SMYD3: variants seen among roughly 807,000 people sequenced by gnomAD.
SMYD3 encodes histone-lysine N-methyltransferase SMYD3.
A neutral mutation model predicts 57.7 loss-of-function variants in SMYD3; 36 were observed. That is an observed-to-expected ratio of 0.62 (90% CI 0.48 to 0.82). The LOEUF (loss-of-function observed/expected upper bound fraction) is 0.82, where lower values mean the gene tolerates loss of function less well. Among genes scored for constraint, SMYD3 ranks in the 40% least tolerant of loss-of-function variants. SMYD3 has a pLI of 0.00. For synonymous variants in SMYD3, 211 were observed against 195.0 expected, an observed-to-expected ratio of 1.08 and a Z score of -0.68; for missense variants, 515 against 538.8, an observed-to-expected ratio of 0.96 and a Z score of 0.44.
At chr1:246,307,409 G>T in intron 5 of SMYD3, among the ~76,000 whole-genome samples, 1 of 147,210 alleles carries the variant, frequency 6.8e-6, no homozygotes, top group Non-Finnish European at 1.5e-5. Context: ...TAAATTAGGG[G>T]ATTCTTTTTT....
chr1:246,109,801 G>A (rs369106955), intron 5 of SMYD3: 2 of 152,166 alleles, frequency 1.3e-5, no homozygotes, highest in South Asian at 2.1e-4. Flanking sequence ...ATGGGGCTGC[G>A]CAGGTGGAAA....
chr1:246,325,775 A>G (rs2148658943), intron 5 of SMYD3: 1 of 152,352 alleles, frequency 6.6e-6, no homozygotes, highest in Middle Eastern at 3.4e-3. Flanking sequence ...AATAATTACC[A>G]CAGAATAGCC....
At chr1:246,020,222 A>C (rs2059448101) in intron 5 of SMYD3, among the ~76,000 whole-genome samples, 1 of 152,256 alleles carries the variant, frequency 6.6e-6, no homozygotes, top group Non-Finnish European at 1.5e-5. Flanking sequence ...CTAACAGGCA[A>C]GCAAAATCTA....
At chr1:245,808,791 C>A (rs111282653) in intron 10 of SMYD3, among the ~76,000 whole-genome samples, 2 of 151,994 alleles carry the variant, frequency 1.3e-5, no homozygotes, top group African/African-American at 4.8e-5. Flanking sequence ...GAGACAGAGT[C>A]TCATTTTGTT....
Position 245,943,093 on chromosome 1 carries a change from A to C in SMYD3, c.532-13156T>G, listed in dbSNP as rs555397149. On this transcript the variant is annotated intron_variant, in intron 5 of 11. Coordinates refer to ENST00000490107, the MANE Select transcript of SMYD3 (RefSeq NM_001167740.2). Reference sequence around the variant, plus strand: ...CTAAAAGAACTAGAGAACCACGAGCAAACAAACCCCAAAGCTAGCAGAAGA... The same window carrying C: ...CTAAAAGAACTAGAGAACCACGAGCCAACAAACCCCAAAGCTAGCAGAAGA... 9.9e-5 allele frequency among the ~76,000 whole-genome samples: 15 copies of C among 151,668 alleles called. No homozygotes were observed. In the South Asian group the frequency reaches 2.9e-3, roughly 30 times the overall value.
chr1:246,299,658 A>C (rs2064858022), intron 5 of SMYD3, among the ~76,000 whole-genome samples: 2 of 152,194 alleles, frequency 1.3e-5, no homozygotes, highest in Non-Finnish European at 2.9e-5. Flanking sequence ...CTAAGCAGCC[A>C]TAAAAAAGGA....
intron 1 of SMYD3, among the ~76,000 whole-genome samples, chr1:246,430,663 A>G (rs2067283898): frequency 6.6e-6 from 1 of 152,232 alleles, no homozygotes; most frequent in Non-Finnish European, 1.5e-5. Flanking sequence ...GAAGCCACCC[A>G]GATATAAGTA....
intron 5 of SMYD3, among the ~76,000 whole-genome samples, chr1:246,255,018 A>G (rs2148507565): frequency 6.6e-6 from 1 of 152,172 alleles, no homozygotes; most frequent in East Asian, 1.9e-4. Flanking sequence ...CAGTTTCAGG[A>G]GCCTTTTGGT....
intron 5 of SMYD3, among the ~76,000 whole-genome samples, chr1:246,249,304 A>T (rs1313099545): frequency 4.2e-5 from 4 of 96,186 alleles, no homozygotes; most frequent in Non-Finnish European, 8.4e-5. Flanking sequence ...GGGTTTCACC[A>T]TGTTGGCCAG....
chr1:245,933,020 T>G (rs922388322), intron 5 of SMYD3, among the ~76,000 whole-genome samples: 1 of 152,214 alleles, frequency 6.6e-6, no homozygotes, highest in African/African-American at 2.4e-5. Flanking sequence ...CATACACAAC[T>G]GATAGCAACA....
intron 1 of SMYD3, among the ~76,000 whole-genome samples, chr1:246,380,701 G>A (rs142553148): frequency 6.6e-6 from 1 of 152,322 alleles, no homozygotes; most frequent in African/African-American, 2.4e-5. Context: ...AGAATAGCAG[G>A]AACAGCAATA....
intron 5 of SMYD3, among the ~76,000 whole-genome samples, chr1:246,291,079 A>G (rs2148593496): frequency 6.6e-6 from 1 of 152,334 alleles, no homozygotes; most frequent in East Asian, 1.9e-4. Flanking sequence ...CTTGATAAAA[A>G]CAAAGCAAAG....
chr1:245,786,682 A>G (rs2047060132), intron 10 of SMYD3, among the ~76,000 whole-genome samples: 1 of 151,882 alleles, frequency 6.6e-6, no homozygotes, highest in Admixed American at 6.6e-5. Context: ...GCCCACCAGG[A>G]GTTCACACGT....
chr1:246,087,835 G>A (rs921253260), intron 5 of SMYD3, among the ~76,000 whole-genome samples: 2 of 152,060 alleles, frequency 1.3e-5, no homozygotes, highest in African/African-American at 2.4e-5. Flanking sequence ...ACTGAAACCC[G>A]TCCTCAGTAC....
rs113829645 is a variant in SMYD3, at chr1:246,144,007, T to C, written c.531+183194A>G. 6.6e-4 allele frequency among the ~76,000 whole-genome samples: 100 copies of C among 152,362 alleles called. 1 individual carries two copies. The highest frequency in any genetic ancestry group is 2.3e-3 in the African/African-American group (97 of 41,588). On this transcript the variant is annotated intron_variant, in intron 5 of 11. Coordinates refer to ENST00000490107, the MANE Select transcript of SMYD3 (RefSeq NM_001167740.2). ...CAGCTTCCAGAAGTACCTGTAAAGA[T>C]TGATAACTTTAGCTGGAGGAAAAGC...
intron 7 of SMYD3, among the ~76,000 whole-genome samples, chr1:245,925,844 C>T (rs975842020): frequency 3.3e-5 from 5 of 152,140 alleles, no homozygotes; most frequent in African/African-American, 7.2e-5. Context: ...TAAGCGAGAA[C>T]TCAAAGGAAA....
chr1:245,996,100 T>C (rs376954557), intron 5 of SMYD3, among the ~76,000 whole-genome samples: 1 of 152,238 alleles, frequency 6.6e-6, no homozygotes, highest in African/African-American at 2.4e-5. Context: ...GAATGCCCAA[T>C]GGAAGAAATG....
intron 1 of SMYD3, among the ~76,000 whole-genome samples, chr1:246,436,380 A>AG (rs964825441): frequency 6.6e-6 from 1 of 152,166 alleles, no homozygotes. Flanking sequence ...GCAGTTTAAA[A>AG]GGGGGGCCTA....
intron 5 of SMYD3, among the ~76,000 whole-genome samples, chr1:246,039,413 T>C (rs1367977987): frequency 6.6e-6 from 1 of 152,090 alleles, no homozygotes; most frequent in Non-Finnish European, 1.5e-5. Context: ...TATTAGAAAA[T>C]GTGTATTTAC....
Sources: gnomAD v4.1 joint callset for allele counts (sites outside exome capture counted in the v4.1 genomes callset) on GRCh38, gnomAD v4.1.1 for gene constraint, MANE v1.5 for transcripts, NCBI Gene and HGNC (gene_info 2026-07-23, HGNC 2026-07-21) for gene names.